FRK: variants seen among roughly 807,000 people sequenced by gnomAD.
FRK encodes fyn related Src family tyrosine kinase.
Under a neutral mutation model 56.4 loss-of-function variants are expected in FRK, and 51 were observed. The observed-to-expected ratio is 0.90, with a 90% CI of 0.72 to 1.14. FRK has a LOEUF of 1.14. FRK is among the 50% of genes most tolerant of loss of function. The pLI is 0.00. For missense variants in FRK, 570 were observed against 601.4 expected, an observed-to-expected ratio of 0.95 and a Z score of 0.55; for synonymous variants, 245 against 217.9, an observed-to-expected ratio of 1.12 and a Z score of -1.10.
chr6:116,065,402 C>T (rs1206321845), upstream of FRK, among the ~76,000 whole-genome samples: 1 of 152,152 alleles, frequency 6.6e-6, no homozygotes, highest in African/African-American at 2.4e-5. Flanking sequence ...CAAAACTCTC[C>T]ACCACATAGT....
At chr6:116,037,662 C>T (rs1776539523) in intron 1 of FRK, among the ~76,000 whole-genome samples, 1 of 152,208 alleles carries the variant, frequency 6.6e-6, no homozygotes, top group African/African-American at 2.4e-5. Context: ...GTTTCTCACA[C>T]ATTCTCACTT....
At chr6:116,006,446 C>A (rs1775251060) in intron 1 of FRK, among the ~76,000 whole-genome samples, 1 of 152,126 alleles carries the variant, frequency 6.6e-6, no homozygotes. Flanking sequence ...TTTGGTACAA[C>A]TAATTTAAGA....
intron 4 of FRK, among the ~76,000 whole-genome samples, chr6:115,960,453 C>A (rs1426134568): frequency 2.7e-5 from 4 of 150,370 alleles, no homozygotes; most frequent in Non-Finnish European, 6.0e-5. Context: ...TGCAAGGCGG[C>A]AGCGAGGCTG....
intron 1 of FRK, among the ~76,000 whole-genome samples, chr6:116,028,738 C>T (rs1304789546): frequency 2.0e-5 from 3 of 152,116 alleles, no homozygotes; most frequent in Non-Finnish European, 2.9e-5. Flanking sequence ...CGTATGGTCT[C>T]CTCCTAACTA....
chr6:115,970,553 C>T (rs1262472044), intron 2 of FRK, among the ~76,000 whole-genome samples: 1 of 152,144 alleles, frequency 6.6e-6, no homozygotes, highest in African/African-American at 2.4e-5. Context: ...TGCAGCTACA[C>T]ATAACAAAGT....
At chr6:116,003,151 T>C (rs1331949932) in intron 2 of FRK, among the ~76,000 whole-genome samples, 1 of 152,108 alleles carries the variant, frequency 6.6e-6, no homozygotes, top group Non-Finnish European at 1.5e-5. Context: ...AAGGGGATGA[T>C]AACACAAATG....
chr6:116,038,670 T>C (rs546406306), intron 1 of FRK: 2 of 364,478 alleles, frequency 5.5e-6, no homozygotes. Flanking sequence ...ACATGATACC[T>C]TTTAGAATAT....
At chr6:115,988,644 C>T (rs1315325217) in intron 2 of FRK, among the ~76,000 whole-genome samples, 1 of 151,864 alleles carries the variant, frequency 6.6e-6, no homozygotes, top group African/African-American at 2.4e-5. Context: ...CTCCAGTGGC[C>T]CACAGATGTA....
chr6:116,018,396 A>G (rs1446161982), intron 1 of FRK, among the ~76,000 whole-genome samples: 2 of 152,166 alleles, frequency 1.3e-5, no homozygotes, highest in African/African-American at 4.8e-5. Context: ...TCACACCATT[A>G]TCCATAGCAG....
At chr6:116,076,835 A>G in the FRK span, among the ~76,000 whole-genome samples, 1 of 152,238 alleles carries the variant, frequency 6.6e-6, no homozygotes, top group Non-Finnish European at 1.5e-5. Flanking sequence ...TAATAGTAAC[A>G]ATGCCTTTCA....
At chr6:115,993,705 G>C (rs568461387) in intron 2 of FRK, among the ~76,000 whole-genome samples, 2 of 152,074 alleles carry the variant, frequency 1.3e-5, no homozygotes, top group South Asian at 4.1e-4. Flanking sequence ...GCTTTCTTAT[G>C]CTACATATTT....
At chr6:115,983,750 C>A (rs925542209) in intron 2 of FRK, among the ~76,000 whole-genome samples, 1 of 152,092 alleles carries the variant, frequency 6.6e-6, no homozygotes, top group Admixed American at 6.6e-5. Flanking sequence ...TGTTTCTCTG[C>A]CTAGAGTGTT....
At chr6:115,980,809 T>C (rs1481919777) in intron 2 of FRK, among the ~76,000 whole-genome samples, 1 of 152,130 alleles carries the variant, frequency 6.6e-6, no homozygotes, top group Non-Finnish European at 1.5e-5. Context: ...TCTCCTCTTA[T>C]ACATAAGCCA....
chr6:116,037,786 C>T (rs1776543939), intron 1 of FRK, among the ~76,000 whole-genome samples: 1 of 147,184 alleles, frequency 6.8e-6, no homozygotes, highest in African/African-American at 2.5e-5. Context: ...CCTTTTTTAC[C>T]CACATTTTAA....
rs1373850283 is a variant in FRK at position 115,932,305 on chromosome 6, C to A, written c.*10109G>T. 1.3e-5 allele frequency: 2 copies of A among 152,158 alleles called. No homozygotes were observed. The allele number at this position is 152,158 out of a possible 1,614,324, so 9.4% of individuals were successfully genotyped here. A position where few individuals can be genotyped will look rare whatever the true frequency, so the allele number is the denominator to read the frequency against. ...GAATGTAGGCAGTAAGAGGATAACA[C>A]TGAAAATTAAGATATGAATTTAAAA... is the stretch of plus-strand genomic sequence containing the variant. On this transcript the variant is annotated 3_prime_UTR_variant, in exon 8 of 8. Transcript: ENST00000606080.
chr6:116,012,846 C>T (rs1225625784), intron 1 of FRK, among the ~76,000 whole-genome samples: 1 of 152,094 alleles, frequency 6.6e-6, no homozygotes, highest in African/African-American at 2.4e-5. Flanking sequence ...GGCCTTAGAC[C>T]ACAGATTTCA....
intron 1 of FRK, among the ~76,000 whole-genome samples, chr6:116,023,747 T>C (rs1055824738): frequency 6.6e-6 from 1 of 152,136 alleles, no homozygotes; most frequent in Non-Finnish European, 1.5e-5. Flanking sequence ...GAAGCCAGCC[T>C]GGGCAACATA....
chr6:116,061,981 A>C (rs1218405679), upstream of FRK, among the ~76,000 whole-genome samples: 3 of 151,916 alleles, frequency 2.0e-5, no homozygotes, highest in African/African-American at 7.3e-5. Flanking sequence ...AAAAGAAAGA[A>C]AAAGAAAGAA....
the FRK span, among the ~76,000 whole-genome samples, chr6:116,089,943 G>T: frequency 2.0e-5 from 3 of 152,106 alleles, no homozygotes; most frequent in East Asian, 1.9e-4. Flanking sequence ...AAAGGATATT[G>T]AGTCCCTGTC....
Sources: gnomAD v4.1 joint callset for allele counts (sites outside exome capture counted in the v4.1 genomes callset) on GRCh38, gnomAD v4.1.1 for gene constraint, MANE v1.5 for transcripts, NCBI Gene and HGNC (gene_info 2026-07-23, HGNC 2026-07-21) for gene names.